SSH2: variants seen among roughly 807,000 people sequenced by gnomAD.
SSH2 encodes protein phosphatase Slingshot homolog 2.
Under a neutral mutation model 135.2 loss-of-function variants are expected in SSH2, and 37 were observed. The observed-to-expected ratio is 0.27, with a 90% CI of 0.21 to 0.36. The LOEUF (loss-of-function observed/expected upper bound fraction) is 0.36, where lower values mean the gene tolerates loss of function less well. SSH2 is among the 10% of genes least tolerant of loss of function. The pLI is 1.00. For synonymous variants in SSH2, 628 were observed against 646.2 expected, an observed-to-expected ratio of 0.97 and a Z score of 0.43; for missense variants, 1,408 against 1,765.3, an observed-to-expected ratio of 0.80 and a Z score of 3.63.
chr17:29,774,328 G>A (rs941668336), intron 3 of SSH2, among the ~76,000 whole-genome samples: 10 of 151,980 alleles, frequency 6.6e-5, no homozygotes, highest in Non-Finnish European at 1.2e-4. Context: ...GCAATGGCGG[G>A]ATCTTGGCTC....
intron 6 of SSH2, among the ~76,000 whole-genome samples, chr17:29,678,941 C>T (rs2037847632): frequency 6.6e-6 from 1 of 151,966 alleles, no homozygotes; most frequent in South Asian, 2.1e-4. Context: ...TCTCAAACTC[C>T]TGGCCTCAGA....
rs115445077 is a variant in SSH2 at position 29,784,114 on chromosome 17, C to T, written c.188+9780G>A. On this transcript the variant is annotated intron_variant, in intron 3 of 15. Coordinates refer to ENST00000540801, the MANE Select transcript of SSH2 (RefSeq NM_001282129.2). ...AAAAAGAGTAATTGGGGGCTGGACGCGGTGGCTCATGCCTGCAATCCTGGC... is the reference window on the plus strand; with the variant it reads ...AAAAAGAGTAATTGGGGGCTGGACGTGGTGGCTCATGCCTGCAATCCTGGC... 8.7e-3 allele frequency among the ~76,000 whole-genome samples: 1,224 copies of T among 141,398 alleles called. 19 individuals are homozygous for T. The highest frequency in any genetic ancestry group is 0.031 in the African/African-American group (1,175 of 37,392). 92.8% of individuals were successfully genotyped at this position (141,398 alleles called of 152,430 possible).
At chr17:29,727,794 G>A (rs1228612837) in intron 3 of SSH2, among the ~76,000 whole-genome samples, 3 of 152,186 alleles carry the variant, frequency 2.0e-5, no homozygotes, top group Non-Finnish European at 4.4e-5. Flanking sequence ...TTTTACCACT[G>A]TTATTCAAAA....
intron 6 of SSH2, among the ~76,000 whole-genome samples, chr17:29,683,725 A>G (rs1002511878): frequency 2.0e-5 from 3 of 151,814 alleles, no homozygotes; most frequent in Non-Finnish European, 4.4e-5. Flanking sequence ...CCAAGAATTC[A>G]AGACCAGCCT....
At position 29,684,634 on chromosome 17, in the gene SSH2, C is replaced by T. The variant is rs752804734; in HGVS notation, c.408G>A (p.Val136=). 1 of 1,613,508 alleles carries T rather than the reference C, an allele frequency of 6.2e-7. No homozygotes were observed. Among genetic ancestry groups the T allele is most frequent in the Non-Finnish European group, 8.5e-7 (1 of 1,179,536 alleles). ...TYQNRTRYMV[V]VSTNGRQDTE... The stretch of plus-strand genomic sequence containing the variant: ...TGTCTTGTCTACCATTAGTTGAAAC[C>T]ACTACCATATAGCGTGTTCGATTCT... The change falls in exon 6 of 16, where the codon GTG becomes GTA. Residue 136 remains valine (V), a synonymous_variant. Transcript: ENST00000540801.
rs759307715 is a variant in SSH2 at position 29,702,945 on chromosome 17, T to C, written c.292+14A>G. On this transcript the variant is annotated intron_variant, in intron 4 of 15. Coordinates refer to ENST00000540801, the MANE Select transcript of SSH2 (RefSeq NM_001282129.2). Reference sequence around the variant, plus strand: ...TAGTTACCAAGAAAGAAATGGTGTATATGCAAGCATTACCTGCATGCTTGT... The same window carrying C: ...TAGTTACCAAGAAAGAAATGGTGTACATGCAAGCATTACCTGCATGCTTGT... 1.3e-6 allele frequency: 2 copies of C among 1,567,920 alleles called. No individual in the cohort carries two copies. The highest frequency in any genetic ancestry group is 1.1e-5 in the South Asian group (1 of 90,112).
chr17:29,631,682 G>A lies in SSH2; in HGVS notation c.3512C>T (p.Thr1171Ile). 3 of 1,614,200 alleles carry A rather than the reference G, an allele frequency of 1.9e-6. No homozygotes were observed. Among genetic ancestry groups the A allele is most frequent in the Non-Finnish European group, 2.5e-6 (3 of 1,180,038 alleles). The change falls in exon 16 of 16, where the codon ACA becomes ATA. Residue 1171 changes from threonine (T) to isoleucine (I), a missense_variant. Thr to Ile is a moderately conservative substitution (Grantham distance 89). This residue lies in a region of SSH2 where 1,080 missense variants were observed against 1,144.5 expected (regional missense o/e 0.94). Coordinates refer to ENST00000540801, the MANE Select transcript of SSH2 (RefSeq NM_001282129.2). ...PQTMVHLEGF[T>I]EQSSTTDEPS... ...CTCATCTGTAGTGCTGCTCTGCTCT[G>A]TGAAGCCCTCCAGGTGAACCATAGT...
chr17:29,705,683 T>C (rs2039170209), intron 3 of SSH2, among the ~76,000 whole-genome samples: 1 of 152,204 alleles, frequency 6.6e-6, no homozygotes, highest in Non-Finnish European at 1.5e-5. Context: ...ACTCCTCTGA[T>C]CTTGTATCAT....
intron 12 of SSH2, among the ~76,000 whole-genome samples, chr17:29,655,107 T>C (rs1358563287): frequency 6.6e-6 from 1 of 152,082 alleles, no homozygotes; most frequent in Non-Finnish European, 1.5e-5. Flanking sequence ...CTGTTTTTCT[T>C]TTTCTTTTTT....
intron 1 of SSH2, among the ~76,000 whole-genome samples, chr17:29,923,573 T>C (rs2067012731): frequency 6.6e-6 from 1 of 151,526 alleles, no homozygotes; most frequent in Admixed American, 6.6e-5. Context: ...TGAGCTGTGA[T>C]TGCACCACTA....
At chr17:29,648,560 T>C (rs1287726313) in intron 13 of SSH2, among the ~76,000 whole-genome samples, 1 of 152,266 alleles carries the variant, frequency 6.6e-6, no homozygotes, top group African/African-American at 2.4e-5. Flanking sequence ...GTTAATATTA[T>C]GCTTCTTTAA....
intron 3 of SSH2, among the ~76,000 whole-genome samples, chr17:29,779,810 CAAAAA>C (rs56789691): frequency 1.5e-4 from 3 of 19,600 alleles, no homozygotes; most frequent in Non-Finnish European, 2.6e-4. Flanking sequence ...GACTCTGTCT[CAAAAA>C]AAAAAAAAAA....
intron 3 of SSH2, among the ~76,000 whole-genome samples, chr17:29,722,005 A>T (rs1282830548): frequency 6.6e-6 from 1 of 152,210 alleles, no homozygotes; most frequent in Non-Finnish European, 1.5e-5. Flanking sequence ...GGCCGGATGC[A>T]GTGGCTCACG....
chr17:29,807,896 G>A (rs2042375774), intron 2 of SSH2, among the ~76,000 whole-genome samples: 2 of 142,184 alleles, frequency 1.4e-5, no homozygotes, highest in Admixed American at 1.4e-4. Flanking sequence ...AGAAAAGTTA[G>A]GTAGTTTTTC....
chr17:29,763,994 C>T (rs1047085772), intron 3 of SSH2, among the ~76,000 whole-genome samples: 4 of 150,732 alleles, frequency 2.7e-5, no homozygotes, highest in African/African-American at 9.8e-5. Flanking sequence ...TTGTTGCCCA[C>T]GCTGGAGTGC....
intron 3 of SSH2, among the ~76,000 whole-genome samples, chr17:29,715,524 C>T (rs3102556): frequency 0.4 from 60,637 of 151,944 alleles, 14,590 homozygotes; most frequent in East Asian, 0.69. Context: ...CGATTACAGG[C>T]GTGAGCCACT....
chr17:29,631,665 T>C lies in SSH2; in HGVS notation c.3529A>G (p.Thr1177Ala). Residue 1177 changes from threonine to alanine, a missense_variant, in exon 16 of 16, where the codon ACA (threonine) becomes GCA (alanine). By Grantham distance (58) the Thr-to-Ala change is moderately conservative (BLOSUM62 0). Around this residue, in one of 3 missense-constraint regions of SSH2, gnomAD observed 1,080 missense variants for 1,144.5 expected, o/e 0.94. Coordinates refer to ENST00000540801, the MANE Select transcript of SSH2 (RefSeq NM_001282129.2). ...ACCTGTTCTGCAGAGGGCTCATCTG[T>C]AGTGCTGCTCTGCTCTGTGAAGCCC... ...LEGFTEQSST[T>A]DEPSAEQVSW... 1 of 1,614,226 alleles carries C rather than the reference T, an allele frequency of 6.2e-7. No homozygotes were observed. The highest frequency in any genetic ancestry group is 8.5e-7 in the Non-Finnish European group (1 of 1,180,036).
chr17:29,908,805 G>A (rs1414063791), intron 1 of SSH2, among the ~76,000 whole-genome samples: 2 of 147,784 alleles, frequency 1.4e-5, no homozygotes, highest in Non-Finnish European at 3.0e-5. Flanking sequence ...TTGGCCGGGA[G>A]TGGTGGCTCA....
chr17:29,928,328 C>T (rs767125693), intron 1 of SSH2: 1 of 390,174 alleles, frequency 2.6e-6, no homozygotes, highest in Non-Finnish European at 4.5e-6. Context: ...CTTCAGATGA[C>T]CCTAAAATGT....
Sources: gnomAD v4.1 joint callset for allele counts (sites outside exome capture counted in the v4.1 genomes callset) on GRCh38, gnomAD v4.1.1 for gene constraint, gnomAD v4.1.1 regional missense constraint, MANE v1.5 for transcripts, NCBI Gene and HGNC (gene_info 2026-07-23, HGNC 2026-07-21) for gene names.